UBE2K: variants seen among roughly 807,000 people sequenced by gnomAD.
The protein encoded by UBE2K is ubiquitin-conjugating enzyme E2 K.
Under a neutral mutation model 30.0 loss-of-function variants are expected in UBE2K, and 6 were observed. That is an observed-to-expected ratio of 0.20 (90% CI 0.11 to 0.39). The LOEUF (loss-of-function observed/expected upper bound fraction) is 0.39, where lower values mean the gene tolerates loss of function less well. Ranked by LOEUF, UBE2K falls within the 10% of genes least tolerant of loss-of-function variation. UBE2K has a pLI of 1.00. For missense variants in UBE2K, 61 were observed against 241.6 expected, an observed-to-expected ratio of 0.25 and a Z score of 4.96; for synonymous variants, 86 against 83.7, an observed-to-expected ratio of 1.03 and a Z score of -0.15.
At chr4:39,714,828 C>T (rs1458434816) in intron 1 of UBE2K, among the ~76,000 whole-genome samples, 1 of 151,168 alleles carries the variant, frequency 6.6e-6, no homozygotes, top group Non-Finnish European at 1.5e-5. Context: ...GGATTACAGG[C>T]GTAAGCCACC....
chr4:39,738,528 C>T (rs978157362), intron 2 of UBE2K, among the ~76,000 whole-genome samples: 1 of 152,074 alleles, frequency 6.6e-6, no homozygotes, highest in African/African-American at 2.4e-5. Flanking sequence ...TTTACTGTTA[C>T]CCAAGCTGGA....
chr4:39,712,280 C>T (rs1280528652), intron 1 of UBE2K, among the ~76,000 whole-genome samples: 1 of 140,526 alleles, frequency 7.1e-6, no homozygotes, highest in African/African-American at 2.7e-5. Flanking sequence ...CAGCTCACTG[C>T]AAGCTCCGCC....
intron 1 of UBE2K, chr4:39,714,540 A>AT (rs1316202885): frequency 4.9e-5 from 1 of 20,578 alleles, no homozygotes; most frequent in African/African-American, 3.8e-4. Flanking sequence ...ATATATATAT[A>AT]TATATATATA....
intron 2 of UBE2K, among the ~76,000 whole-genome samples, chr4:39,741,077 C>A (rs1162955787): frequency 9.2e-5 from 14 of 151,942 alleles, no homozygotes. Context: ...TCAAGACCAG[C>A]CTGACCAACG....
rs528595339 is a variant in UBE2K at position 39,698,303 on chromosome 4, G to A, written c.-25G>A. The stretch of plus-strand genomic sequence containing the variant: ...GTCGTAGCGGTGGCGGAGGAGGCGG[G>A]TACGAATCAGCTGCGGGCGGAGACA... On this transcript the variant is annotated 5_prime_UTR_variant, in exon 1 of 7. Transcript: ENST00000261427. 5.0e-5 allele frequency: 81 copies of A among 1,606,352 alleles called. 1 individual carries two copies. The South Asian group carries it at 7.1e-4, about 14-fold the overall frequency.
In UBE2K at chr4:39,770,497, C is replaced by G; in HGVS notation, c.300-4337C>G. 4.3e-6 allele frequency: 7 copies of G among 1,610,166 alleles called. No individual in the cohort carries two copies. The South Asian group carries it at 7.7e-5, about 18-fold the overall frequency. ...AAGGGGTTTCCACCTGAGAAGCTCCCAGGCAGGGGTCCCTGGCTGCCCCCC... is the reference window on the plus strand; with the variant it reads ...AAGGGGTTTCCACCTGAGAAGCTCCGAGGCAGGGGTCCCTGGCTGCCCCCC... On this transcript the variant is annotated intron_variant, in intron 4 of 6. Coordinates refer to ENST00000261427, the MANE Select transcript of UBE2K (RefSeq NM_005339.5).
rs1717810240 is a variant in UBE2K, at chr4:39,698,363, G to A, written c.36G>A (p.Glu12=). The change falls in exon 1 of 7, where the codon GAG becomes GAA. Residue 12 remains glutamate (E), a synonymous_variant. Coordinates refer to ENST00000261427, the MANE Select transcript of UBE2K (RefSeq NM_005339.5). ...ANIAVQRIKR[E]FKEVLKSEET... ...TCGCGGTGCAGCGAATCAAGCGGGA[G>A]TTCAAGGAGGTGCTGAAGAGCGAGG... The A allele has an allele frequency of 1.9e-6, 3 of 1,613,388 alleles. No homozygotes were observed. The highest frequency in any genetic ancestry group is 2.5e-6 in the Non-Finnish European group (3 of 1,179,782).
At chr4:39,739,272 C>G (rs1166363393) in intron 2 of UBE2K, among the ~76,000 whole-genome samples, 4 of 151,850 alleles carry the variant, frequency 2.6e-5, no homozygotes, top group Admixed American at 2.6e-4. Context: ...ACCTCGTGAT[C>G]TGCCAGCCTC....
chr4:39,757,007 T>TTTG (rs567980588), intron 4 of UBE2K, among the ~76,000 whole-genome samples: 9,520 of 117,046 alleles, frequency 0.081, 743 homozygotes, highest in East Asian at 0.16. Context: ...GGTGTTTTTT[T>TTTG]TTTGTTTTTT....
intron 4 of UBE2K, among the ~76,000 whole-genome samples, chr4:39,767,318 T>C (rs1375880587): frequency 2.7e-5 from 4 of 148,748 alleles, no homozygotes; most frequent in African/African-American, 1.0e-4. Flanking sequence ...TTTGTGTGTG[T>C]GTTTTGTTTG....
At position 39,723,707 on chromosome 4, in the gene UBE2K, T is replaced by C. The variant is rs1442538892; in HGVS notation, c.64-13713T>C. Reference sequence around the variant, plus strand: ...GAGATTAATAAATTAGAGGGAAAACTCAGAATGTCTTTGTAATTTAAATTT... The same window carrying C: ...GAGATTAATAAATTAGAGGGAAAACCCAGAATGTCTTTGTAATTTAAATTT... On this transcript the variant is annotated intron_variant, in intron 1 of 6. Coordinates refer to ENST00000261427, the MANE Select transcript of UBE2K (RefSeq NM_005339.5). Among the ~76,000 whole-genome samples, 2 of 152,192 alleles carry C rather than the reference T, an allele frequency of 1.3e-5. 1 individual carries two copies. Among genetic ancestry groups the C allele is most frequent in the South Asian group, 4.1e-4 (2 of 4,830 alleles).
intron 4 of UBE2K, chr4:39,770,469 T>C: frequency 1.2e-6 from 2 of 1,611,228 alleles, no homozygotes; most frequent in Non-Finnish European, 1.7e-6. Context: ...CTTGATGTTC[T>C]TTAAGGGGTT....
intron 1 of UBE2K, among the ~76,000 whole-genome samples, chr4:39,722,131 A>C (rs1440800478): frequency 6.6e-6 from 1 of 152,176 alleles, no homozygotes; most frequent in East Asian, 1.9e-4. Context: ...TTGACTTAAA[A>C]AAAAGTCTTA....
chr4:39,770,297 C>A, intron 4 of UBE2K: 1 of 1,611,894 alleles, frequency 6.2e-7, no homozygotes, highest in South Asian at 1.1e-5. Flanking sequence ...AGATGCCGCA[C>A]GAGTGTGACT....
chr4:39,707,786 C>T lies in UBE2K; in HGVS notation c.63+9396C>T, dbSNP rs554321463. Among the ~76,000 whole-genome samples, 10 of 152,052 alleles carry T rather than the reference C, an allele frequency of 6.6e-5. 1 individual carries two copies. The highest frequency in any genetic ancestry group is 1.3e-4 in the Non-Finnish European group (9 of 67,980). On this transcript the variant is annotated intron_variant, in intron 1 of 6. Transcript: ENST00000261427. ...CCTCCTGCCTCAGCCTCCCAAAGTG[C>T]TGGGATTATAGGCATGAGCCACCTC...
intron 1 of UBE2K, among the ~76,000 whole-genome samples, chr4:39,735,295 C>T (rs562536880): frequency 5.9e-5 from 9 of 152,344 alleles, no homozygotes; most frequent in East Asian, 1.9e-4. Context: ...TTGCAACCTC[C>T]GTCTCCCTGG....
At chr4:39,738,047 A>T (rs907196110) in intron 2 of UBE2K, among the ~76,000 whole-genome samples, 1 of 152,222 alleles carries the variant, frequency 6.6e-6, no homozygotes, top group Non-Finnish European at 1.5e-5. Flanking sequence ...TGGTGTTCAC[A>T]AATTAAGTCT....
chr4:39,739,408 T>G (rs1339896616), intron 2 of UBE2K, among the ~76,000 whole-genome samples: 1 of 151,426 alleles, frequency 6.6e-6, no homozygotes, highest in Non-Finnish European at 1.5e-5. Context: ...GACCCTAGAA[T>G]GTCTTTAGCA....
At chr4:39,759,954 T>C (rs1711783860) in intron 4 of UBE2K, among the ~76,000 whole-genome samples, 1 of 151,830 alleles carries the variant, frequency 6.6e-6, no homozygotes, top group South Asian at 2.1e-4. Context: ...GGTAGGTGGA[T>C]TGCTTGAGGT....
Sources: gnomAD v4.1 joint callset for allele counts (sites outside exome capture counted in the v4.1 genomes callset) on GRCh38, gnomAD v4.1.1 for gene constraint, MANE v1.5 for transcripts, NCBI Gene and HGNC (gene_info 2026-07-23, HGNC 2026-07-21) for gene names.